DMD: variants seen among roughly 807,000 people sequenced by gnomAD.
DMD encodes mutant dystrophin.
A neutral mutation model predicts 330.1 loss-of-function variants in DMD; 63 were observed. That is an observed-to-expected ratio of 0.19 (90% confidence interval 0.16 to 0.24). The LOEUF (loss-of-function observed/expected upper bound fraction) is 0.24, where lower values mean the gene tolerates loss of function less well. Ranked by LOEUF, DMD falls within the 10% of genes least tolerant of loss-of-function variation. The pLI, the probability that DMD is intolerant of heterozygous loss-of-function variation, is 1.00. For synonymous variants in DMD, 1,223 were observed against 959.8 expected, an observed-to-expected ratio of 1.27 and a Z score of -5.07; for missense variants, 3,344 against 2,684.1, an observed-to-expected ratio of 1.25 and a Z score of -5.43.
intron 2 of DMD, among the ~76,000 whole-genome samples, chrX:32,979,778 C>A (rs2092653334): frequency 9.0e-6 from 1 of 111,359 alleles, no homozygotes; most frequent in Non-Finnish European, 1.9e-5. Flanking sequence ...CATATAGAAG[C>A]TATTGTGGGT....
intron 44 of DMD, among the ~76,000 whole-genome samples, chrX:32,094,222 T>C (rs1476583448): frequency 8.9e-6 from 1 of 111,999 alleles, no homozygotes; most frequent in African/African-American, 3.2e-5. Context: ...GTAGTGACCA[T>C]GGTCACCTAT....
intron 53 of DMD, among the ~76,000 whole-genome samples, chrX:31,677,217 T>C (rs966979792): frequency 8.9e-6 from 1 of 111,826 alleles, no homozygotes; most frequent in Non-Finnish European, 1.9e-5. Context: ...GATATTTTTG[T>C]CTCTTATTTA....
At position 31,348,608 on chromosome X, in the gene DMD, C is replaced by G. The variant is rs946146600; in HGVS notation, c.9111G>C (p.Gln3037His). 6 of 1,210,869 alleles carry G rather than the reference C, an allele frequency of 5.0e-6. No homozygotes were observed. Among genetic ancestry groups the G allele is most frequent in the Non-Finnish European group, 6.7e-6 (6 of 895,005 alleles). Residue 3037 changes from glutamine (Q) to histidine (H), a missense_variant, in exon 61 of 79, where the codon CAG becomes CAC. Transcript: ENST00000357033. ...CAAAGTCCCTGTGGGCTTCATGCAG[C>G]TGCCTGACTCGGTCCTCGACGGCCA... ...LQVAVEDRVR[Q>H]LHEAHRDFGP...
intron 44 of DMD, among the ~76,000 whole-genome samples, chrX:32,212,012 A>G (rs1437691639): frequency 3.6e-5 from 4 of 111,626 alleles, no homozygotes; most frequent in Non-Finnish European, 7.5e-5. Context: ...CTACTTTCCT[A>G]TTTTCACTGA....
chrX:32,422,821 A>C (rs909224002), intron 29 of DMD, among the ~76,000 whole-genome samples: 1 of 111,340 alleles, frequency 9.0e-6, no homozygotes, highest in Non-Finnish European at 1.9e-5. Context: ...CCTGAATATT[A>C]AATAACAGAT....
At chrX:32,625,136 A>G (rs1416644886) in intron 11 of DMD, among the ~76,000 whole-genome samples, 1 of 111,675 alleles carries the variant, frequency 9.0e-6, no homozygotes, top group Admixed American at 9.5e-5. Flanking sequence ...GCACCATTAG[A>G]CTCCAGCCTG....
chrX:33,170,055 TCATTGGTAGACC>T (rs1482425235), intron 1 of DMD, among the ~76,000 whole-genome samples: 1 of 111,397 alleles, frequency 9.0e-6, no homozygotes, highest in East Asian at 2.8e-4. Context: ...AATACTCAAC[TCATTGGTAGACC>T]CATGAGGTTC....
intron 1 of DMD, among the ~76,000 whole-genome samples, chrX:33,095,957 T>C (rs1226532836): frequency 9.8e-6 from 1 of 101,812 alleles, no homozygotes; most frequent in African/African-American, 3.5e-5. Flanking sequence ...ACACTACTTC[T>C]TCCAGAATTT....
At chrX:32,089,335 A>G (rs1368211737) in intron 44 of DMD, among the ~76,000 whole-genome samples, 2 of 111,672 alleles carry the variant, frequency 1.8e-5, no homozygotes, top group Admixed American at 1.9e-4. Context: ...TTTGCTATAC[A>G]GGTGAACTGC....
intron 1 of DMD, among the ~76,000 whole-genome samples, chrX:33,324,347 T>C (rs937276348): frequency 6.3e-5 from 7 of 111,189 alleles, no homozygotes; most frequent in Non-Finnish European, 1.3e-4. Flanking sequence ...GCAAGAAAGG[T>C]AGGGTAGTTC....
intron 48 of DMD, among the ~76,000 whole-genome samples, chrX:31,872,448 A>G (rs765231677): frequency 8.9e-6 from 1 of 112,003 alleles, no homozygotes; most frequent in African/African-American, 3.2e-5. Context: ...TTTGAAAACC[A>G]TTCCGGGGGG....
At chrX:32,142,988 C>G (rs1173240664) in intron 44 of DMD, among the ~76,000 whole-genome samples, 2 of 111,119 alleles carry the variant, frequency 1.8e-5, no homozygotes, top group Non-Finnish European at 3.8e-5. Flanking sequence ...TCAGGTAGAG[C>G]CCCTCCATCC....
intron 60 of DMD, among the ~76,000 whole-genome samples, chrX:31,361,918 C>T (rs769542652): frequency 2.7e-5 from 3 of 110,981 alleles, no homozygotes; most frequent in African/African-American, 9.8e-5. Context: ...TACAGGCATG[C>T]GCCAACCCAC....
chrX:32,650,101 A>C (rs2060048427), intron 9 of DMD, among the ~76,000 whole-genome samples: 1 of 111,562 alleles, frequency 9.0e-6, no homozygotes, highest in Non-Finnish European at 1.9e-5. Flanking sequence ...AAGTGGCTAC[A>C]TGTAGGTAGT....
chrX:32,253,324 TTC>T (rs941200285), intron 43 of DMD, among the ~76,000 whole-genome samples: 1 of 110,964 alleles, frequency 9.0e-6, no homozygotes, highest in Non-Finnish European at 1.9e-5. Flanking sequence ...CTGAAACAGC[TTC>T]TCTCTTTGTA....
chrX:31,521,049 G>T (rs916173613), intron 55 of DMD, among the ~76,000 whole-genome samples: 2 of 111,806 alleles, frequency 1.8e-5, no homozygotes, highest in East Asian at 2.8e-4. Flanking sequence ...GTTTGGGAAG[G>T]CTTAGGCCTT....
intron 57 of DMD, among the ~76,000 whole-genome samples, chrX:31,483,567 G>A (rs999841212): frequency 8.9e-6 from 1 of 112,152 alleles, no homozygotes; most frequent in African/African-American, 3.2e-5. Context: ...TTAAATATGA[G>A]TCATTGAAGA....
At chrX:32,652,645 T>A (rs968805161) in intron 9 of DMD, among the ~76,000 whole-genome samples, 33 of 111,193 alleles carry the variant, frequency 3.0e-4, no homozygotes, top group African/African-American at 1.1e-3. Context: ...CCTTTGGGAA[T>A]ATACCCAGTA....
intron 60 of DMD, among the ~76,000 whole-genome samples, chrX:31,372,821 A>G (rs1366375249): frequency 1.8e-5 from 2 of 111,330 alleles, no homozygotes; most frequent in Non-Finnish European, 3.8e-5. Context: ...AGTTCTGGCC[A>G]GGGCAATCAG....
Sources: allele counts gnomAD v4.1 joint callset (sites outside exome capture counted in the v4.1 genomes callset), GRCh38; gene constraint gnomAD v4.1.1; transcripts MANE v1.5; gene names NCBI Gene and HGNC (gene_info 2026-07-23, HGNC 2026-07-21).